EFCAB7: variants seen among roughly 807,000 people sequenced by gnomAD.
EFCAB7 encodes the protein EF-hand calcium-binding domain-containing protein 7.
In EFCAB7, 66 loss-of-function variants were observed where a neutral mutation model predicts 77.1. The observed-to-expected ratio is 0.86, with a 90% CI of 0.70 to 1.05. The LOEUF is 1.05. Ranked by LOEUF, EFCAB7 falls within the 50% of genes least tolerant of loss-of-function variation. The pLI is 0.00. For synonymous variants in EFCAB7, 225 were observed against 243.3 expected (o/e 0.92, Z 0.70); for missense variants, 638 against 730.5 (o/e 0.87, Z 1.46).
chr1:63,533,382 G>A, intron 4 of EFCAB7, 72 bp from the exon 5 acceptor site: 1 of 1,093,710 alleles, frequency 9.1e-7, no homozygotes, highest in Non-Finnish European at 1.3e-6. Flanking sequence ...GCCTACTAAT[G>A]TGCATTTGCT....
chr1:63,568,664 G>T, intron 12 of EFCAB7, 145 bp downstream of exon 12: 10 of 571,264 alleles, frequency 1.8e-5, no homozygotes, highest in South Asian at 1.2e-4. Context: ...TTTCTCCTCA[G>T]GTTTCTAACT....
chr1:63,541,789 T>C (rs572977343), intron 6 of EFCAB7, among the ~76,000 whole-genome samples: 4 of 152,154 alleles, frequency 2.6e-5, no homozygotes, highest in African/African-American at 9.6e-5. Flanking sequence ...TCTTGAACTC[T>C]TGACCTCAGG....
chr1:63,570,738 G>C (rs141932452), intron 12 of EFCAB7: 1 of 210,258 alleles, frequency 4.8e-6, no homozygotes, highest in African/African-American at 2.3e-5. Flanking sequence ...ATAAGTCAAG[G>C]ATGAAATAAT....
chr1:63,561,451 T>C (rs936162444), intron 10 of EFCAB7, among the ~76,000 whole-genome samples: 6 of 152,310 alleles, frequency 3.9e-5, no homozygotes, highest in Admixed American at 3.3e-4. Flanking sequence ...TTTTAGAATA[T>C]ATTTGCACTA....
At chr1:63,542,146 C>T (rs1243951799) in intron 6 of EFCAB7, among the ~76,000 whole-genome samples, 1 of 152,072 alleles carries the variant, frequency 6.6e-6, no homozygotes, top group African/African-American at 2.4e-5. Flanking sequence ...TACTTTCTGT[C>T]TCTCTGAATT....
At chr1:63,562,469 AT>A (rs1557687258) in intron 11 of EFCAB7, among the ~76,000 whole-genome samples, 6 of 84,566 alleles carry the variant, frequency 7.1e-5, no homozygotes, top group Non-Finnish European at 1.4e-4. Context: ...ATATATATAT[AT>A]ATATATATAT....
chr1:63,566,997 A>G (rs958149550), intron 11 of EFCAB7, among the ~76,000 whole-genome samples: 1 of 151,912 alleles, frequency 6.6e-6, no homozygotes, highest in African/African-American at 2.4e-5. Flanking sequence ...ATGACCACCA[A>G]TTTGTGAATT....
chr1:63,569,205 A>G (rs1043497574), intron 12 of EFCAB7: 8 of 152,194 alleles, frequency 5.3e-5, no homozygotes, highest in African/African-American at 1.9e-4. Flanking sequence ...TGCCTGCCAT[A>G]AATTTCTTAA....
intron 8 of EFCAB7, among the ~76,000 whole-genome samples, chr1:63,552,926 T>C (rs537966899): frequency 1.3e-5 from 2 of 152,320 alleles, no homozygotes; most frequent in East Asian, 1.9e-4. Context: ...AGATAAAGCA[T>C]TGTCTAAAAC....
intron 12 of EFCAB7, chr1:63,570,000 C>A (rs1378872245): frequency 1.3e-5 from 2 of 152,172 alleles, no homozygotes; most frequent in African/African-American, 4.8e-5. Flanking sequence ...CTCTCTTCAC[C>A]AAAATGTGAT....
At chr1:63,538,904 G>A (rs61765261) in intron 6 of EFCAB7, among the ~76,000 whole-genome samples, 5,068 of 152,186 alleles carry the variant, frequency 0.033, 114 homozygotes, top group Non-Finnish European at 0.055. Flanking sequence ...CTGAAGTTTG[G>A]TTGATATAAA....
chr1:63,580,164 C>A, the EFCAB7 span, among the ~76,000 whole-genome samples: 1 of 152,096 alleles, frequency 6.6e-6, no homozygotes, highest in African/African-American at 2.4e-5. Context: ...AAAGATTTTT[C>A]TTCTGCTTTC....
intron 10 of EFCAB7, 97 bp downstream of exon 10, chr1:63,557,344 T>A: frequency 8.6e-7 from 1 of 1,164,060 alleles, no homozygotes; most frequent in African/African-American, 1.6e-5. Flanking sequence ...GCATGAAATA[T>A]TATTATAGCA....
At chr1:63,535,178 A>T (rs1022761040) in intron 6 of EFCAB7, among the ~76,000 whole-genome samples, 6 of 152,098 alleles carry the variant, frequency 3.9e-5, no homozygotes, top group African/African-American at 1.4e-4. Context: ...GTAAAGAGAG[A>T]TATAAATAAA....
At chr1:63,573,025 A>G (rs1647311733), downstream of EFCAB7, among the ~76,000 whole-genome samples, 1 of 152,138 alleles carries the variant, frequency 6.6e-6, no homozygotes, top group South Asian at 2.1e-4. Flanking sequence ...CAGTTAAGGC[A>G]GGAACCGGCC....
At chr1:63,557,277 T>C in intron 10 of EFCAB7, 30 bp downstream of exon 10, 1 of 1,562,786 alleles carries the variant, frequency 6.4e-7, no homozygotes, top group South Asian at 1.2e-5. Flanking sequence ...TTAACAGATG[T>C]ATAAAAATAT....
At chr1:63,549,801 AT>A (rs1428095211) in intron 7 of EFCAB7, 1 of 169,674 alleles carries the variant, frequency 5.9e-6, no homozygotes, top group Non-Finnish European at 1.3e-5. Context: ...TTATGTTAAA[AT>A]TACTGTGAAA....
At position 63,568,534 on chromosome 1, in the gene EFCAB7, G is replaced by A. The variant is rs1647196167; in HGVS notation, c.1707+15G>A. The A allele has an allele frequency of 6.3e-7, 1 of 1,592,762 alleles. No individual in the cohort carries two copies. Among genetic ancestry groups the A allele is most frequent in the Non-Finnish European group, 8.6e-7 (1 of 1,167,422 alleles). On this transcript the variant is annotated intron_variant, in intron 12 of 13. Transcript: ENST00000371088. ...TTGAAAACAAGGTATCAATTATGAG[G>A]TGGTTTTCCTCATTTTGCTACAAAG...
intron 2 of EFCAB7, among the ~76,000 whole-genome samples, chr1:63,527,332 C>G (rs746262601): frequency 2.0e-5 from 3 of 152,178 alleles, no homozygotes; most frequent in Non-Finnish European, 4.4e-5. Flanking sequence ...GGAATACTCT[C>G]TTAACGTTGT....
Sources: gnomAD v4.1 joint callset for allele counts (sites outside exome capture counted in the v4.1 genomes callset) on GRCh38, gnomAD v4.1.1 for gene constraint, MANE v1.5 for transcripts, NCBI Gene and HGNC (gene_info 2026-07-23, HGNC 2026-07-21) for gene names.